The following PINX1 variants were observed in gnomAD, a reference collection of about 807,000 sequenced individuals.
PINX1 encodes the protein PIN2 (TERF1) interacting telomerase inhibitor 1, also known as PIN2/TERF1-interacting telomerase inhibitor 1.
In PINX1, 34 loss-of-function variants were observed where a neutral mutation model predicts 25.4. The observed-to-expected ratio is 1.34, with a 90% CI of 1.02 to 1.78. The LOEUF is 1.78. Among genes scored for constraint, PINX1 ranks in the 40% most tolerant of loss-of-function variants. The pLI is 0.00. For missense variants in PINX1, 592 were observed against 404.9 expected, an observed-to-expected ratio of 1.46 and a Z score of -3.97; for synonymous variants, 197 against 147.7, an observed-to-expected ratio of 1.33 and a Z score of -2.42.
intron 4 of PINX1, among the ~76,000 whole-genome samples, chr8:10,829,277 C>A (rs1798150199): frequency 8.6e-6 from 1 of 116,458 alleles, no homozygotes; most frequent in Admixed American, 9.1e-5. Flanking sequence ...CAGAGCAAGA[C>A]TCCATCTCAA....
chr8:10,770,730 C>A (rs1364765179), intron 6 of PINX1, among the ~76,000 whole-genome samples: 1 of 152,118 alleles, frequency 6.6e-6, no homozygotes, highest in Non-Finnish European at 1.5e-5. Flanking sequence ...AGTGAAGTGC[C>A]AGAAGCAGAT....
At chr8:10,794,549 G>A (rs1045682360) in intron 6 of PINX1, among the ~76,000 whole-genome samples, 20 of 151,750 alleles carry the variant, frequency 1.3e-4, no homozygotes, top group Admixed American at 6.6e-5. Flanking sequence ...TGATTCTCCT[G>A]CCAAGTAGCT....
At chr8:10,802,785 G>A (rs1410924327) in intron 6 of PINX1, among the ~76,000 whole-genome samples, 3 of 152,108 alleles carry the variant, frequency 2.0e-5, no homozygotes, top group African/African-American at 7.2e-5. Flanking sequence ...AGAGGACTGG[G>A]GAATTATATT....
At chr8:10,839,607 C>A (rs1397584304) in intron 1 of PINX1, 131 bp downstream of exon 1, 3 of 917,568 alleles carry the variant, frequency 3.3e-6, no homozygotes, top group Non-Finnish European at 5.1e-6. Context: ...CCGGGCTCGG[C>A]TCCCCGGTCC....
chr8:10,807,847 A>G (rs1460642058), intron 6 of PINX1, among the ~76,000 whole-genome samples: 3 of 152,208 alleles, frequency 2.0e-5, no homozygotes, highest in Non-Finnish European at 4.4e-5. Flanking sequence ...AAAGTCCAGG[A>G]GGCCAGGGAA....
chr8:10,831,736 C>A lies in PINX1; in HGVS notation c.230G>T (p.Trp77Leu). 1 of 1,584,152 alleles carries A rather than the reference C, an allele frequency of 6.3e-7. No homozygotes were observed. The highest frequency in any genetic ancestry group is 2.3e-5 in the East Asian group (1 of 44,284). Residue 77 changes from tryptophan to leucine, a missense_variant, in exon 4 of 7, where the codon TGG (tryptophan) becomes TTG (leucine). By Grantham distance (61) the Trp-to-Leu change is moderately conservative. Transcript: ENST00000314787. ...GTTAAAATCATCCTGATGGGCAATC[C>A]AGTTGTCCTGAAAATATCAAAGAAA... ...LGATINNEDN[W>L]IAHQDDFNQL... is the part of the protein sequence containing the mutation.
chr8:10,833,112 T>G (rs1798275800), intron 2 of PINX1, 128 bp from the exon 3 acceptor site: 2 of 579,484 alleles, frequency 3.5e-6, no homozygotes, highest in Middle Eastern at 3.9e-4. Context: ...ATTAAATACT[T>G]TCACAAAGCA....
intron 6 of PINX1, among the ~76,000 whole-genome samples, chr8:10,812,231 A>G (rs1450858469): frequency 6.6e-6 from 1 of 152,236 alleles, no homozygotes; most frequent in African/African-American, 2.4e-5. Flanking sequence ...AAAGCGCATA[A>G]GTAGATAAAG....
intron 6 of PINX1, among the ~76,000 whole-genome samples, chr8:10,782,685 G>A (rs984277761): frequency 3.3e-5 from 5 of 152,136 alleles, no homozygotes; most frequent in Admixed American, 6.5e-5. Context: ...GCAGTGAGCC[G>A]AGATGGTGCC....
chr8:10,782,061 C>G (rs1159609326), intron 6 of PINX1, among the ~76,000 whole-genome samples: 2 of 152,038 alleles, frequency 1.3e-5, no homozygotes, highest in African/African-American at 2.4e-5. Context: ...ACCTAGATGA[C>G]ACTATGGTAA....
intron 6 of PINX1, among the ~76,000 whole-genome samples, chr8:10,798,050 C>T (rs945936050): frequency 7.2e-5 from 11 of 152,222 alleles, no homozygotes; most frequent in Non-Finnish European, 1.6e-4. Context: ...AACAGCTACA[C>T]TAGAAGTGAG....
chr8:10,788,036 T>C (rs571572273), intron 6 of PINX1, among the ~76,000 whole-genome samples: 2 of 152,322 alleles, frequency 1.3e-5, no homozygotes, highest in Admixed American at 1.3e-4. Flanking sequence ...ATAACAGTAC[T>C]GTGACTGTGT....
At chr8:10,814,058 T>C (rs1335513069) in intron 6 of PINX1, among the ~76,000 whole-genome samples, 1 of 152,180 alleles carries the variant, frequency 6.6e-6, no homozygotes, top group Non-Finnish European at 1.5e-5. Flanking sequence ...TCAGCACAAG[T>C]ACCTGCTGCA....
chr8:10,800,705 A>T (rs1802239413), intron 6 of PINX1, among the ~76,000 whole-genome samples: 1 of 152,078 alleles, frequency 6.6e-6, no homozygotes, highest in Non-Finnish European at 1.5e-5. Flanking sequence ...CCTGACCTCA[A>T]GTGATCTGCC....
chr8:10,796,245 G>A (rs1048873419), intron 6 of PINX1, among the ~76,000 whole-genome samples: 1 of 152,216 alleles, frequency 6.6e-6, no homozygotes, highest in Admixed American at 6.5e-5. Context: ...AAACAGGGCA[G>A]CTTGGGGGAA....
chr8:10,776,516 T>G (rs1009474235), intron 6 of PINX1, among the ~76,000 whole-genome samples: 1 of 152,162 alleles, frequency 6.6e-6, no homozygotes, highest in Non-Finnish European at 1.5e-5. Context: ...TTCTTAACAC[T>G]GTCATTAACC....
At chr8:10,808,996 T>G (rs1413304821) in intron 6 of PINX1, among the ~76,000 whole-genome samples, 1 of 152,262 alleles carries the variant, frequency 6.6e-6, no homozygotes, top group Non-Finnish European at 1.5e-5. Context: ...ATCAACAGCC[T>G]GTTTCTCTCT....
intron 6 of PINX1, among the ~76,000 whole-genome samples, chr8:10,812,857 T>A (rs1438399571): frequency 6.6e-6 from 1 of 152,186 alleles, no homozygotes; most frequent in African/African-American, 2.4e-5. Flanking sequence ...TCAGGACAGG[T>A]GCGACCAGAC....
chr8:10,782,432 T>TG, intron 6 of PINX1, among the ~76,000 whole-genome samples: 1 of 76,470 alleles, frequency 1.3e-5, no homozygotes, highest in South Asian at 3.3e-4. Context: ...AAAAAAAAAA[T>TG]TTTTTTTTTT....
Sources: allele counts gnomAD v4.1 joint callset (sites outside exome capture counted in the v4.1 genomes callset), GRCh38; gene constraint gnomAD v4.1.1; transcripts MANE v1.5; gene names NCBI Gene and HGNC (gene_info 2026-07-23, HGNC 2026-07-21).